The following CSMD1 variants were observed in gnomAD, a reference collection of about 807,000 sequenced individuals.
CSMD1 encodes CUB and Sushi multiple domains 1.
Under a neutral mutation model 417.5 loss-of-function variants are expected in CSMD1, and 213 were observed. That is an observed-to-expected ratio of 0.51 (90% CI 0.46 to 0.57). The LOEUF is 0.57. Ranked by LOEUF, CSMD1 falls within the 20% of genes least tolerant of loss-of-function variation. The probability of loss-of-function intolerance (pLI) is 0.00; values close to 1 mark genes in which losing one functional copy is unlikely to be tolerated. For synonymous variants in CSMD1, 2,862 were observed against 1,736.8 expected (o/e 1.65, Z -16.11); for missense variants, 6,923 against 4,529.7 (o/e 1.53, Z -15.17).
chr8:3,702,831 T>C (rs900221), intron 7 of CSMD1, among the ~76,000 whole-genome samples: 145,008 of 152,208 alleles, frequency 0.95, 69,135 homozygotes, highest in East Asian at 1. Flanking sequence ...TCTGTCTCAA[T>C]AACAAACAAA....
At chr8:3,029,622 A>C in intron 50 of CSMD1, 109 bp from the exon 51 acceptor site, 1 of 856,012 alleles carries the variant, frequency 1.2e-6, no homozygotes, top group Non-Finnish European at 1.8e-6. Context: ...CTTGTTTGGC[A>C]AAGTTGATGC....
At chr8:3,113,762 G>A (rs946451583) in intron 42 of CSMD1, among the ~76,000 whole-genome samples, 1 of 152,198 alleles carries the variant, frequency 6.6e-6, no homozygotes, top group Non-Finnish European at 1.5e-5. Flanking sequence ...GCCACAGCTC[G>A]AAGATACCAG....
chr8:4,954,681 G>T (rs1808971903), intron 1 of CSMD1, among the ~76,000 whole-genome samples: 1 of 152,144 alleles, frequency 6.6e-6, no homozygotes, highest in Non-Finnish European at 1.5e-5. Flanking sequence ...GTGTGTGAAT[G>T]TTCCTTATAA....
chr8:4,297,279 G>C (rs537880107), intron 3 of CSMD1, among the ~76,000 whole-genome samples: 52 of 152,144 alleles, frequency 3.4e-4, no homozygotes, highest in African/African-American at 1.2e-3. Flanking sequence ...GCTATATGAA[G>C]AAACAGCCTT....
chr8:4,142,688 G>A (rs774901185), intron 3 of CSMD1, among the ~76,000 whole-genome samples: 7 of 151,072 alleles, frequency 4.6e-5, no homozygotes, highest in Non-Finnish European at 1.0e-4. Context: ...GCAGTTATTG[G>A]GTGGCTGAGG....
chr8:3,172,309 A>G (rs556477096), intron 37 of CSMD1, among the ~76,000 whole-genome samples: 3 of 151,964 alleles, frequency 2.0e-5, no homozygotes, highest in South Asian at 4.1e-4. Context: ...CTCTGTATTG[A>G]TATTTTGCTT....
chr8:4,350,595 G>C (rs756155655), intron 3 of CSMD1, among the ~76,000 whole-genome samples: 1 of 152,154 alleles, frequency 6.6e-6, no homozygotes, highest in East Asian at 1.9e-4. Flanking sequence ...CTTACAATGA[G>C]AAAAAGCAGA....
intron 1 of CSMD1, among the ~76,000 whole-genome samples, chr8:4,812,864 CTA>C (rs1798988734): frequency 6.6e-6 from 1 of 152,102 alleles, no homozygotes; most frequent in South Asian, 2.1e-4. Context: ...TATGTTATCG[CTA>C]TGTTTTATTA....
intron 1 of CSMD1, among the ~76,000 whole-genome samples, chr8:4,715,055 G>C (rs1014174947): frequency 7.2e-5 from 11 of 152,028 alleles, no homozygotes; most frequent in Non-Finnish European, 1.3e-4. Context: ...TTCAGGGTCT[G>C]TTATTTAAGT....
At chr8:4,198,725 G>C (rs1015375478) in intron 3 of CSMD1, among the ~76,000 whole-genome samples, 1 of 151,856 alleles carries the variant, frequency 6.6e-6, no homozygotes, top group South Asian at 2.1e-4. Flanking sequence ...TAATATAATT[G>C]GTTTTCTTTG....
chr8:3,790,897 A>G (rs1033957163), intron 5 of CSMD1, among the ~76,000 whole-genome samples: 2 of 152,180 alleles, frequency 1.3e-5, no homozygotes, highest in African/African-American at 4.8e-5. Context: ...TAATGAATGG[A>G]TGTGTCAAAA....
chr8:3,320,389 C>T (rs4875610), intron 23 of CSMD1, among the ~76,000 whole-genome samples: 2 of 151,806 alleles, frequency 1.3e-5, no homozygotes, highest in Non-Finnish European at 2.9e-5. Flanking sequence ...CATGCTGTAG[C>T]GATTTTTACA....
intron 1 of CSMD1, among the ~76,000 whole-genome samples, chr8:4,764,751 T>G (rs1812330790): frequency 6.6e-6 from 1 of 150,506 alleles, no homozygotes; most frequent in East Asian, 1.9e-4. Context: ...CGGCTGCCTG[T>G]AGTCCCAGCT....
intron 23 of CSMD1, among the ~76,000 whole-genome samples, chr8:3,334,752 C>T (rs1807139724): frequency 6.6e-6 from 1 of 152,182 alleles, no homozygotes; most frequent in Non-Finnish European, 1.5e-5. Flanking sequence ...TTTTTTATTT[C>T]ACATTGAATT....
At chr8:3,023,958 G>C (rs1036374927) in intron 51 of CSMD1, among the ~76,000 whole-genome samples, 1 of 152,032 alleles carries the variant, frequency 6.6e-6, no homozygotes, top group African/African-American at 2.4e-5. Flanking sequence ...AGAACATAGA[G>C]AGTGACACTG....
At chr8:4,281,998 T>C (rs1054275800) in intron 3 of CSMD1, among the ~76,000 whole-genome samples, 1 of 152,220 alleles carries the variant, frequency 6.6e-6, no homozygotes, top group African/African-American at 2.4e-5. Context: ...TATAGCAAGG[T>C]GAATTCATGT....
chr8:3,260,891 C>T (rs1275142238), intron 26 of CSMD1, among the ~76,000 whole-genome samples: 1 of 152,062 alleles, frequency 6.6e-6, no homozygotes, highest in African/African-American at 2.4e-5. Context: ...TGCTTGAAAG[C>T]CACGTATCTG....
intron 7 of CSMD1, among the ~76,000 whole-genome samples, chr8:3,678,842 G>A (rs560639336): frequency 4.6e-5 from 7 of 152,316 alleles, no homozygotes; most frequent in South Asian, 2.1e-4. Context: ...TGATCTCTCA[G>A]CAGAAAGTCT....
intron 3 of CSMD1, among the ~76,000 whole-genome samples, chr8:4,033,872 G>C (rs577527710): frequency 3.3e-5 from 5 of 152,170 alleles, no homozygotes; most frequent in African/African-American, 7.2e-5. Context: ...ACATCATTCA[G>C]TTGAATGGAT....
Sources: allele counts gnomAD v4.1 joint callset (sites outside exome capture counted in the v4.1 genomes callset), GRCh38; gene constraint gnomAD v4.1.1; transcripts MANE v1.5; gene names NCBI Gene and HGNC (gene_info 2026-07-23, HGNC 2026-07-21).